Variants in RNF220 observed in about 807,000 individuals in gnomAD.
The protein encoded by RNF220 is ring finger protein 220, also known as E3 ubiquitin-protein ligase RNF220.
In RNF220, 7 loss-of-function variants were observed where a neutral mutation model predicts 67.1. The observed-to-expected ratio is 0.10, with a 90% CI of 0.06 to 0.20. The LOEUF is 0.20. RNF220 is among the 10% of genes least tolerant of loss of function. The pLI is 1.00. For synonymous variants in RNF220, 270 were observed against 283.2 expected (o/e 0.95, Z 0.47); for missense variants, 565 against 740.3 (o/e 0.76, Z 2.75).
At chr1:44,535,025 TAGG>T (rs1460419104) in intron 2 of RNF220, among the ~76,000 whole-genome samples, 1 of 151,822 alleles carries the variant, frequency 6.6e-6, no homozygotes, top group African/African-American at 2.4e-5. Flanking sequence ...CTAATCTCCG[TAGG>T]AGGAGTAAAG....
chr1:44,473,879 A>G (rs960294698), intron 2 of RNF220, among the ~76,000 whole-genome samples: 1 of 152,132 alleles, frequency 6.6e-6, no homozygotes, highest in Non-Finnish European at 1.5e-5. Flanking sequence ...CAGTATGGCC[A>G]CTTACTGCCA....
At chr1:44,560,088 A>T (rs1458963200) in intron 2 of RNF220, among the ~76,000 whole-genome samples, 1 of 152,136 alleles carries the variant, frequency 6.6e-6, no homozygotes, top group Non-Finnish European at 1.5e-5. Flanking sequence ...GCCTTGAAAA[A>T]GCTGCAGCTA....
At chr1:44,584,855 C>T (rs932749572) in intron 2 of RNF220, among the ~76,000 whole-genome samples, 2 of 152,190 alleles carry the variant, frequency 1.3e-5, no homozygotes, top group South Asian at 2.1e-4. Context: ...CCTGCCGCCA[C>T]GCCTGGCTAC....
chr1:44,614,282 C>T lies in RNF220; in HGVS notation c.743C>T (p.Ala248Val), dbSNP rs889399303. ...EHMEQELEQL[A>V]QLPSSKNSLL... ...ATGGAGCAGGAACTGGAGCAGCTAG[C>T]CCAACTGCCCTCGAGGTAAGCCACC... The change falls in exon 3 of 15, where the codon GCC (alanine) becomes GTC (valine). Residue 248 changes from alanine to valine, a missense_variant. By Grantham distance (64) the Ala-to-Val change is moderately conservative (BLOSUM62 0). Transcript: ENST00000361799. 1.2e-6 allele frequency: 2 copies of T among 1,613,936 alleles called. No individual in the cohort carries two copies. The highest frequency in any genetic ancestry group is 1.7e-6 in the Non-Finnish European group (2 of 1,179,890).
chr1:44,431,565 G>C (rs1187102097), intron 2 of RNF220, among the ~76,000 whole-genome samples: 1 of 152,012 alleles, frequency 6.6e-6, no homozygotes, highest in Non-Finnish European at 1.5e-5. Context: ...AGCAAGATGG[G>C]GTAAACAGCA....
Position 44,509,884 on chromosome 1 carries a change from C to CAAAAAAAAAAAA in RNF220, c.625+97162_625+97163insAAAAAAAAAAAA, listed in dbSNP as rs1557996558. ...CCTGGGTGACAGAGCGAGACCCTGT[C>CAAAAAAAAAAAA]CAAAAAAAAAAAAAAAAAAAAAGGA... On this transcript the variant is annotated intron_variant, in intron 2 of 14. Coordinates refer to ENST00000361799, the MANE Select transcript of RNF220 (RefSeq NM_018150.4). 1.9e-4 allele frequency among the ~76,000 whole-genome samples: 15 copies of CAAAAAAAAAAAA among 80,400 alleles called. 2 individuals are homozygous for CAAAAAAAAAAAA. Among genetic ancestry groups the CAAAAAAAAAAAA allele is most frequent in the Non-Finnish European group, 2.4e-4 (10 of 42,498 alleles). 52.7% of individuals were successfully genotyped at this position (80,400 alleles called of 152,430 possible).
chr1:44,589,468 G>A (rs1665952483), intron 2 of RNF220, among the ~76,000 whole-genome samples: 1 of 152,104 alleles, frequency 6.6e-6, no homozygotes, highest in Non-Finnish European at 1.5e-5. Context: ...CGAAAAATTA[G>A]CCAAGCGTGG....
intron 2 of RNF220, among the ~76,000 whole-genome samples, chr1:44,521,583 G>A (rs1355794334): frequency 6.6e-6 from 1 of 152,130 alleles, no homozygotes; most frequent in Non-Finnish European, 1.5e-5. Flanking sequence ...TGTGGGTGGG[G>A]GCAGGGGTGA....
At chr1:44,493,234 G>A (rs979760974) in intron 2 of RNF220, among the ~76,000 whole-genome samples, 3 of 152,144 alleles carry the variant, frequency 2.0e-5, no homozygotes, top group African/African-American at 7.2e-5. Context: ...AACATAAATG[G>A]GCCTGGAGCA....
chr1:44,616,820 G>A (rs1643570560), intron 3 of RNF220, among the ~76,000 whole-genome samples: 1 of 152,132 alleles, frequency 6.6e-6, no homozygotes, highest in Admixed American at 6.5e-5. Context: ...GGAGAATGCG[G>A]GCCCCCAGCT....
chr1:44,446,969 T>C (rs1350961087), intron 2 of RNF220, among the ~76,000 whole-genome samples: 1 of 152,228 alleles, frequency 6.6e-6, no homozygotes, highest in Non-Finnish European at 1.5e-5. Context: ...CCATGAGCTC[T>C]ACCTCCACTT....
chr1:44,479,352 G>A (rs566612367), intron 2 of RNF220, among the ~76,000 whole-genome samples: 2 of 152,074 alleles, frequency 1.3e-5, no homozygotes, highest in Admixed American at 6.6e-5. Context: ...TCCTGACCTC[G>A]TGATCCGCCC....
chr1:44,562,841 G>A (rs188941802), intron 2 of RNF220, among the ~76,000 whole-genome samples: 12 of 152,286 alleles, frequency 7.9e-5, no homozygotes, highest in Admixed American at 4.6e-4. Context: ...TCCCCGAAGT[G>A]TCCTCTTCCA....
rs1326601080 is a variant in RNF220 at position 44,651,679 on chromosome 1, C to T, written c.*904C>T. On this transcript the variant is annotated 3_prime_UTR_variant, in exon 15 of 15. Coordinates refer to ENST00000361799, the MANE Select transcript of RNF220 (RefSeq NM_018150.4). The stretch of plus-strand genomic sequence containing the variant: ...CTATACAAAGGTACTTGTCCTTTCC[C>T]TTTGTAAACTACATTTGACATGGAT... 1 of 152,192 alleles carries T rather than the reference C, an allele frequency of 6.6e-6. No individual in the cohort carries two copies. Among genetic ancestry groups the T allele is most frequent in the East Asian group, 1.9e-4 (1 of 5,182 alleles). The allele number at this position is 152,192 out of a possible 1,614,324, so 9.4% of individuals were successfully genotyped here.
In RNF220 at chr1:44,412,286, C is replaced by T. The variant is rs1196946071; in HGVS notation, c.189C>T (p.Thr63=). The T allele has an allele frequency of 1.8e-5, 29 of 1,614,090 alleles. No homozygotes were observed. The highest frequency in any genetic ancestry group is 2.3e-5 in the Non-Finnish European group (27 of 1,180,048). Residue 63 remains threonine (T), a synonymous_variant, in exon 2 of 15, where the codon ACC becomes ACT. Coordinates refer to ENST00000361799, the MANE Select transcript of RNF220 (RefSeq NM_018150.4). The surrounding 1 kb of genome is among the most constrained non-coding windows in gnomAD (Gnocchi z 5.3). ...ACAAGGACGTGCATATTCCTTTCAC[C>T]AACGGTTCCTATACCTTTGCCTCTA... The part of the protein sequence containing the change: ...SVDKDVHIPF[T]NGSYTFASMY...
chr1:44,520,674 A>G (rs1659861868), intron 2 of RNF220, among the ~76,000 whole-genome samples: 1 of 152,198 alleles, frequency 6.6e-6, no homozygotes, highest in Non-Finnish European at 1.5e-5. Flanking sequence ...GAACAGTTTC[A>G]TTCTCTAGGC....
At chr1:44,553,376 GAATGAA>G (rs1483115655) in intron 2 of RNF220, among the ~76,000 whole-genome samples, 4 of 1,604 alleles carry the variant, frequency 2.5e-3, no homozygotes, top group East Asian at 6.1e-3. Context: ...GTATAAGAAT[GAATGAA>G]TGAATGAATG....
intron 2 of RNF220, among the ~76,000 whole-genome samples, chr1:44,507,579 C>T (rs190522912): frequency 2.6e-5 from 4 of 151,874 alleles, no homozygotes; most frequent in Admixed American, 1.3e-4. Context: ...GCCGGCCTCT[C>T]GGGGGCCCTG....
intron 2 of RNF220, among the ~76,000 whole-genome samples, chr1:44,502,723 G>A (rs1379733488): frequency 6.6e-6 from 1 of 151,902 alleles, no homozygotes; most frequent in Non-Finnish European, 1.5e-5. Context: ...CATTTGACAA[G>A]CGAATACTAC....
Sources: gnomAD v4.1 joint callset for allele counts (sites outside exome capture counted in the v4.1 genomes callset) on GRCh38, gnomAD v4.1.1 for gene constraint, Gnocchi (gnomAD v3.1) non-coding constraint, MANE v1.5 for transcripts, NCBI Gene and HGNC (gene_info 2026-07-23, HGNC 2026-07-21) for gene names.